The following NBN variants were observed in gnomAD, a reference collection of about 807,000 sequenced individuals.
NBN encodes the protein Nijmegen breakage syndrome 1 (nibrin).
In NBN, 88 loss-of-function variants were observed where a neutral mutation model predicts 90.8. The observed-to-expected ratio is 0.97, with a 90% confidence interval of 0.82 to 1.16. The LOEUF (loss-of-function observed/expected upper bound fraction) is 1.16. NBN is among the 50% of genes most tolerant of loss of function. NBN has a pLI of 0.00. For synonymous variants in NBN, 328 were observed against 295.1 expected (o/e 1.11, Z -1.14); for missense variants, 894 against 869.6 (o/e 1.03, Z -0.35).
rs1809532123 is a variant in NBN at position 89,933,528 on chromosome 8, A to G, written c.*2054T>C. The stretch of plus-strand genomic sequence containing the variant: ...TACTAATTGGCAAGGTAATTTAATG[A>G]GGAAAGGATAATTCTTTCAATAAAC... On this transcript the variant is annotated 3_prime_UTR_variant, in exon 16 of 16. Coordinates refer to ENST00000265433, the MANE Select transcript of NBN (RefSeq NM_002485.5). 4.3e-6 allele frequency: 1 copy of G among 231,076 alleles called. No individual in the cohort carries two copies. Among genetic ancestry groups the G allele is most frequent in the Admixed American group, 5.6e-5 (1 of 17,714 alleles). The allele number at this position is 231,076 out of a possible 1,614,324, so 14.3% of individuals were successfully genotyped here.
intron 5 of NBN, among the ~76,000 whole-genome samples, chr8:89,975,813 C>T (rs1250538168): frequency 6.6e-6 from 1 of 152,200 alleles, no homozygotes; most frequent in Non-Finnish European, 1.5e-5. Context: ...GAAAACTTAT[C>T]AGACTCCTCT....
chr8:89,978,647 G>A (rs1415990980), intron 4 of NBN, among the ~76,000 whole-genome samples: 1 of 152,056 alleles, frequency 6.6e-6, no homozygotes, highest in Admixed American at 6.5e-5. Flanking sequence ...TTCCACTTTC[G>A]AAGACATTAA....
At chr8:89,955,598 C>T (rs1318379671) in intron 9 of NBN, 43 bp from the exon 10 acceptor site, 3 of 1,590,354 alleles carry the variant, frequency 1.9e-6, no homozygotes, top group African/African-American at 2.7e-5. Context: ...ATCAAGTTTA[C>T]AGCAACTTTA....
chr8:89,966,064 AT>A (rs537008427), intron 7 of NBN, among the ~76,000 whole-genome samples: 89 of 152,324 alleles, frequency 5.8e-4, no homozygotes, highest in Admixed American at 1.5e-3. Context: ...AAATAGAAAC[AT>A]TTTTAATACA....
intron 1 of NBN, chr8:89,984,286 G>T: frequency 1.7e-6 from 1 of 602,042 alleles, no homozygotes. Context: ...GAGGGGCGCG[G>T]AGGACTGCCA....
At chr8:89,979,019 C>A (rs559873207) in intron 4 of NBN, among the ~76,000 whole-genome samples, 18 of 152,318 alleles carry the variant, frequency 1.2e-4, no homozygotes, top group South Asian at 8.3e-4. Flanking sequence ...GCTCTGTTGT[C>A]CAGGCTGGAC....
At chr8:89,971,399 TTATAG>T in intron 5 of NBN, 109 bp from the exon 6 acceptor site, 1 of 1,246,072 alleles carries the variant, frequency 8.0e-7, no homozygotes, top group Middle Eastern at 2.9e-4. Context: ...CATAATACCT[TTATAG>T]TATTTTTTTT....
rs1554556454 is a variant in NBN, at chr8:89,946,139, C to T, written c.2070+1G>A. On this transcript the variant is annotated splice_donor_variant, in intron 13 of 15. Coordinates refer to ENST00000265433, the MANE Select transcript of NBN (RefSeq NM_002485.5). LOFTEE classifies it high-confidence loss of function. ...TCTTGTGATACAGTTGAAATACCTA[C>T]CTTTTTGAATTTCTTGAAATTTTTT... The T allele has an allele frequency of 6.4e-7, 1 of 1,569,032 alleles. No individual in the cohort carries two copies. Among genetic ancestry groups the T allele is most frequent in the Non-Finnish European group, 8.8e-7 (1 of 1,141,094 alleles).
At chr8:89,956,318 A>G (rs1413829151) in intron 9 of NBN, among the ~76,000 whole-genome samples, 1 of 152,102 alleles carries the variant, frequency 6.6e-6, no homozygotes, top group Non-Finnish European at 1.5e-5. Flanking sequence ...ATTAAAATAA[A>G]TAAGGTTTAA....
intron 1 of NBN, chr8:89,984,323 GC>G: frequency 1.6e-6 from 1 of 633,774 alleles, no homozygotes; most frequent in East Asian, 2.8e-5. Context: ...TCACCCCACC[GC>G]CCGCGCTGAA....
chr8:89,938,397 A>G (rs754583419), intron 14 of NBN, among the ~76,000 whole-genome samples: 5 of 152,044 alleles, frequency 3.3e-5, no homozygotes, highest in Non-Finnish European at 7.4e-5. Flanking sequence ...TACTGTGTTT[A>G]TTTTTACTGT....
chr8:89,976,965 T>C lies in NBN; in HGVS notation c.584+1255A>G, dbSNP rs1423976648. ...GCTGTTATCCGGTATAAACAGTCCCTAAAAAACTAACATTAAGCCAAATAG... is the reference window on the plus strand; with the variant it reads ...GCTGTTATCCGGTATAAACAGTCCCCAAAAAACTAACATTAAGCCAAATAG... On this transcript the variant is annotated intron_variant, in intron 5 of 15. Transcript: ENST00000265433. Among the ~76,000 whole-genome samples the C allele has an allele frequency of 2.6e-5, 4 of 152,186 alleles. No homozygotes were observed. The East Asian group carries it at 5.8e-4, about 22-fold the overall frequency.
chr8:89,943,223 G>A (rs1174090037), intron 14 of NBN, 30 bp downstream of exon 14: 2 of 1,612,654 alleles, frequency 1.2e-6, no homozygotes. Flanking sequence ...TGCAATTTAA[G>A]CAAGTTTCTG....
At chr8:89,984,327 G>A in intron 1 of NBN, 198 bp downstream of exon 1, 1 of 637,806 alleles carries the variant, frequency 1.6e-6, no homozygotes, top group Non-Finnish European at 2.9e-6. Flanking sequence ...CCCACCGCCC[G>A]CGCTGAATTC....
rs1810519877 is a variant in NBN, at chr8:89,953,244, A to G, written c.1845T>C (p.Ser615=). The G allele has an allele frequency of 6.3e-7, 1 of 1,589,462 alleles. No individual in the cohort carries two copies. The highest frequency in any genetic ancestry group is 8.6e-7 in the Non-Finnish European group (1 of 1,158,500). Residue 615 remains serine, a splice_region_variant and synonymous_variant, in exon 11 of 16, where the codon TCT becomes TCC. Transcript: ENST00000265433. The part of the protein sequence containing the change: ...DEAVPESSKI[S]QENEIGKKRE... ...ACCTCTCATTTAAAATGTTACTTAC[A>G]GATATTTTGCTACTTTCTGGTACTG...
In NBN at chr8:89,935,082, T is replaced by C. The variant is rs1809603459; in HGVS notation, c.*500A>G. 1 of 234,146 alleles carries C rather than the reference T, an allele frequency of 4.3e-6. No homozygotes were observed. Among genetic ancestry groups the C allele is most frequent in the South Asian group, 1.7e-4 (1 of 5,726 alleles). The allele number at this position is 234,146 out of a possible 1,614,324, so 14.5% of individuals were successfully genotyped here. The stretch of plus-strand genomic sequence containing the variant: ...AAGAAAAAATATTAAAAACATTATA[T>C]TGATATTCCTATAATTTTTAATCTA... On this transcript the variant is annotated 3_prime_UTR_variant, in exon 16 of 16. Coordinates refer to ENST00000265433, the MANE Select transcript of NBN (RefSeq NM_002485.5).
chr8:89,962,900 T>C (rs1171887064), intron 8 of NBN, among the ~76,000 whole-genome samples: 1 of 152,202 alleles, frequency 6.6e-6, no homozygotes, highest in African/African-American at 2.4e-5. Context: ...CATTAAAATA[T>C]AAGCCATTTG....
rs759730189 is a variant in NBN, at chr8:89,982,883, A to G, written c.38-28T>C. On this transcript the variant is annotated intron_variant, in intron 1 of 15. Coordinates refer to ENST00000265433, the MANE Select transcript of NBN (RefSeq NM_002485.5). ...GAGATAAATTTTTTTTTAAAAAAAGATAAGTTGATAGACACATACACATGT... is the reference window on the plus strand; with the variant it reads ...GAGATAAATTTTTTTTTAAAAAAAGGTAAGTTGATAGACACATACACATGT... 43 of 1,603,768 alleles carry G rather than the reference A, an allele frequency of 2.7e-5. 2 individuals are homozygous for G. The Middle Eastern group carries it at 5.0e-4, about 18-fold the overall frequency.
chr8:89,984,648 ATGGGCTCC>A lies in NBN; in HGVS notation c.-95_-88del. 1 of 1,576,360 alleles carries A rather than the reference ATGGGCTCC, an allele frequency of 6.3e-7. No homozygotes were observed. On this transcript the variant is annotated 5_prime_UTR_variant, in exon 1 of 16. An upstream start codon of the reference 5' UTR is lost. Coordinates refer to ENST00000265433, the MANE Select transcript of NBN (RefSeq NM_002485.5). ...CGCGGATACGGCGCCTGCGGTCGGC[ATGGGCTCC>A]GGGACGTGCGCGCTCCCGGGAGCCA...
Sources: allele counts gnomAD v4.1 joint callset (sites outside exome capture counted in the v4.1 genomes callset), GRCh38; gene constraint gnomAD v4.1.1; transcripts MANE v1.5; gene names NCBI Gene and HGNC (gene_info 2026-07-23, HGNC 2026-07-21).